The following CAB39 variants were observed in gnomAD, a reference collection of about 807,000 sequenced individuals.
The protein encoded by CAB39 is calcium-binding protein 39.
A neutral mutation model predicts 40.0 loss-of-function variants in CAB39; 8 were observed. The ratio of observed to expected loss-of-function variants is 0.20; its 90% CI spans 0.12 to 0.36. The LOEUF (loss-of-function observed/expected upper bound fraction) is 0.36, where lower values mean the gene tolerates loss of function less well. Ranked by LOEUF, CAB39 falls within the 10% of genes least tolerant of loss-of-function variation. The pLI, the probability that CAB39 is intolerant of heterozygous loss-of-function variation, is 1.00. For synonymous variants in CAB39, 156 were observed against 141.6 expected, an observed-to-expected ratio of 1.10 and a Z score of -0.72; for missense variants, 270 against 401.1, an observed-to-expected ratio of 0.67 and a Z score of 2.79.
chr2:230,739,559 A>T (rs530480843), intron 1 of CAB39, among the ~76,000 whole-genome samples: 9 of 152,318 alleles, frequency 5.9e-5, no homozygotes, highest in Admixed American at 5.2e-4. Flanking sequence ...GAATGGCGCG[A>T]TCTCTGCTCA....
chr2:230,747,963 A>T (rs1056599589), intron 1 of CAB39, among the ~76,000 whole-genome samples: 4 of 152,246 alleles, frequency 2.6e-5, no homozygotes, highest in Non-Finnish European at 5.9e-5. Flanking sequence ...CAGAATTAAC[A>T]GTAATTCCTT....
In CAB39 at chr2:230,720,703, A is replaced by G. The variant is rs534625483; in HGVS notation, c.-44+7473A>G. 7.2e-5 allele frequency among the ~76,000 whole-genome samples: 11 copies of G among 152,294 alleles called. No individual in the cohort carries two copies. In the South Asian group the frequency reaches 2.3e-3, roughly 32 times the overall value. On this transcript the variant is annotated intron_variant, in intron 1 of 8. Coordinates refer to ENST00000258418, the MANE Select transcript of CAB39 (RefSeq NM_016289.4). Reference sequence around the variant, plus strand: ...CCAAAGTGCTGGGGTTACAGGCGTGAGCCACCGCGCCAGGCTTAAGCAGTT... The same window carrying G: ...CCAAAGTGCTGGGGTTACAGGCGTGGGCCACCGCGCCAGGCTTAAGCAGTT...
chr2:230,721,026 TCTTAC>T (rs1401832233), intron 1 of CAB39, among the ~76,000 whole-genome samples: 4 of 152,240 alleles, frequency 2.6e-5, no homozygotes, highest in African/African-American at 7.2e-5. Context: ...GATTTTTGTT[TCTTAC>T]CTTTTAAAAT....
chr2:230,729,919 A>G (rs1002517539), intron 1 of CAB39, among the ~76,000 whole-genome samples: 3 of 152,176 alleles, frequency 2.0e-5, no homozygotes, highest in African/African-American at 7.2e-5. Flanking sequence ...AAAGAAAACT[A>G]TAAATTTAAG....
At chr2:230,784,552 TGAGGCAAAAAG>T (rs1181629117) in intron 2 of CAB39, among the ~76,000 whole-genome samples, 1 of 151,998 alleles carries the variant, frequency 6.6e-6, no homozygotes, top group Non-Finnish European at 1.5e-5. Flanking sequence ...CCAAGGTGAA[TGAGGCAAAAAG>T]GAGACAGAGA....
intron 1 of CAB39, among the ~76,000 whole-genome samples, chr2:230,721,376 A>G (rs1052083465): frequency 4.6e-5 from 7 of 152,220 alleles, no homozygotes; most frequent in Non-Finnish European, 8.8e-5. Context: ...GGTTGCAGTG[A>G]GCCAAGATAG....
chr2:230,781,825 G>C (rs1695691668), intron 2 of CAB39, among the ~76,000 whole-genome samples: 1 of 152,214 alleles, frequency 6.6e-6, no homozygotes, highest in Non-Finnish European at 1.5e-5. Flanking sequence ...AGGGAACCAA[G>C]TCAAAACTAA....
chr2:230,739,080 C>CTT (rs1368703847), intron 1 of CAB39, among the ~76,000 whole-genome samples: 1 of 152,106 alleles, frequency 6.6e-6, no homozygotes, highest in African/African-American at 2.4e-5. Flanking sequence ...GGAATTATCT[C>CTT]TATAAAAGAG....
chr2:230,790,463 C>G (rs150623722), intron 2 of CAB39, among the ~76,000 whole-genome samples: 43 of 152,324 alleles, frequency 2.8e-4, no homozygotes, highest in Admixed American at 6.5e-4. Flanking sequence ...TCCCTTCTCC[C>G]TCATCCCTAG....
chr2:230,756,621 CT>C (rs1695194957), intron 1 of CAB39, among the ~76,000 whole-genome samples: 1 of 152,042 alleles, frequency 6.6e-6, no homozygotes, highest in Non-Finnish European at 1.5e-5. Flanking sequence ...AATTATTACA[CT>C]CATACTTTAA....
chr2:230,742,341 AT>A (rs962964473), intron 1 of CAB39, among the ~76,000 whole-genome samples: 4 of 151,752 alleles, frequency 2.6e-5, no homozygotes, highest in African/African-American at 4.8e-5. Context: ...CGCCCGGCTA[AT>A]TTTTTTGTAT....
chr2:230,725,759 G>C (rs1345737814), intron 1 of CAB39, among the ~76,000 whole-genome samples: 3 of 152,150 alleles, frequency 2.0e-5, no homozygotes, highest in Non-Finnish European at 4.4e-5. Context: ...TGATGTCTCA[G>C]GACACAAAGA....
At chr2:230,745,327 C>A (rs1374508929) in intron 1 of CAB39, among the ~76,000 whole-genome samples, 1 of 152,162 alleles carries the variant, frequency 6.6e-6, no homozygotes, top group East Asian at 1.9e-4. Context: ...AATTTGAAGT[C>A]TTTGAAAAAT....
chr2:230,758,565 GTCAC>G (rs1695235474), intron 1 of CAB39, among the ~76,000 whole-genome samples: 1 of 152,126 alleles, frequency 6.6e-6, no homozygotes. Flanking sequence ...AAATATGTAA[GTCAC>G]TCTATTTCAA....
chr2:230,794,379 CAT>C (rs1010274708), intron 4 of CAB39, among the ~76,000 whole-genome samples: 3 of 152,180 alleles, frequency 2.0e-5, no homozygotes, highest in Non-Finnish European at 4.4e-5. Context: ...TATGTAAAAA[CAT>C]GTAGTGAGCA....
chr2:230,792,457 T>G (rs1276933219), intron 3 of CAB39, among the ~76,000 whole-genome samples: 1 of 152,198 alleles, frequency 6.6e-6, no homozygotes, highest in East Asian at 1.9e-4. Flanking sequence ...AAAGCTAGCA[T>G]TTCACTCCCT....
At chr2:230,750,399 C>G (rs949636570) in intron 1 of CAB39, among the ~76,000 whole-genome samples, 1 of 152,146 alleles carries the variant, frequency 6.6e-6, no homozygotes, top group Non-Finnish European at 1.5e-5. Context: ...TAAGATATAG[C>G]ACAAAACCCT....
At chr2:230,778,702 A>T (rs1415521950) in intron 2 of CAB39, among the ~76,000 whole-genome samples, 1 of 152,218 alleles carries the variant, frequency 6.6e-6, no homozygotes, top group Non-Finnish European at 1.5e-5. Context: ...ATCCTTAAAA[A>T]TTTGAAGTCC....
At chr2:230,754,235 G>C (rs1267885833) in intron 1 of CAB39, among the ~76,000 whole-genome samples, 1 of 152,000 alleles carries the variant, frequency 6.6e-6, no homozygotes, top group Non-Finnish European at 1.5e-5. Flanking sequence ...TGAGGTTTTG[G>C]TGCACCCATC....
Sources: allele counts gnomAD v4.1 joint callset (sites outside exome capture counted in the v4.1 genomes callset), GRCh38; gene constraint gnomAD v4.1.1; transcripts MANE v1.5; gene names NCBI Gene and HGNC (gene_info 2026-07-23, HGNC 2026-07-21).